Variants in ELAVL3 observed in about 807,000 individuals in gnomAD.
The protein encoded by ELAVL3 is ELAV-like protein 3.
A neutral mutation model predicts 34.2 loss-of-function variants in ELAVL3; 8 were observed. That is an observed-to-expected ratio of 0.23 (90% CI 0.14 to 0.42). The LOEUF is 0.42. Ranked by LOEUF, ELAVL3 falls within the 10% of genes least tolerant of loss-of-function variation. The pLI, the probability that ELAVL3 is intolerant of heterozygous loss-of-function variation, is 1.00. For synonymous variants in ELAVL3, 209 were observed against 222.1 expected (o/e 0.94, Z 0.53); for missense variants, 273 against 518.8 (o/e 0.53, Z 4.60).
At chr19:11,473,297 G>T (rs777698129) in intron 1 of ELAVL3, among the ~76,000 whole-genome samples, 5 of 151,922 alleles carry the variant, frequency 3.3e-5, no homozygotes, top group Non-Finnish European at 5.9e-5. Flanking sequence ...CCCAGGAGAC[G>T]GAGCTTGCAA....
chr19:11,464,534 G>A (rs1970969609), intron 3 of ELAVL3, among the ~76,000 whole-genome samples: 1 of 148,308 alleles, frequency 6.7e-6, no homozygotes, highest in Admixed American at 6.9e-5. Flanking sequence ...CGGGACACCT[G>A]GATCATAAAC....
chr19:11,454,416 G>T lies in ELAVL3; in HGVS notation c.*110C>A. ...GGGACGTGGGGCCCTCGCGTCGTCCGTGGGGCTGCCTGTGCTGTCTCTCTT... is the reference window on the plus strand; with the variant it reads ...GGGACGTGGGGCCCTCGCGTCGTCCTTGGGGCTGCCTGTGCTGTCTCTCTT... On this transcript the variant is annotated 3_prime_UTR_variant, in exon 7 of 7. Transcript: ENST00000359227. This position sits in a 1 kb window ranked among gnomAD's most constrained non-coding sequence, Gnocchi z 9.2. The T allele has an allele frequency of 8.9e-7, 1 of 1,125,000 alleles. No homozygotes were observed. Among genetic ancestry groups the T allele is most frequent in the Non-Finnish European group, 1.2e-6 (1 of 813,240 alleles). The allele number at this position is 1,125,000 out of a possible 1,614,324, so 69.7% of individuals were successfully genotyped here.
Position 11,465,320 on chromosome 19 carries a change from CACAT to C in ELAVL3, c.333+848_333+851del, listed in dbSNP as rs1383425753. The stretch of plus-strand genomic sequence containing the variant: ...CACACACACACACCACACACATACA[CACAT>C]GCACACACACCACACACACATGCGT... On this transcript the variant is annotated intron_variant, in intron 3 of 6. Transcript: ENST00000359227. 3.5e-3 allele frequency among the ~76,000 whole-genome samples: 516 copies of C among 149,086 alleles called. 4 individuals are homozygous for C. The highest frequency in any genetic ancestry group is 5.6e-3 in the Non-Finnish European group (373 of 67,102).
At chr19:11,473,754 C>G (rs1043474368) in intron 1 of ELAVL3, among the ~76,000 whole-genome samples, 1 of 152,156 alleles carries the variant, frequency 6.6e-6, no homozygotes, top group African/African-American at 2.4e-5. Flanking sequence ...TTTTTCTGAT[C>G]CAGAGTGTGC....
At chr19:11,469,932 C>T (rs1971130280) in intron 1 of ELAVL3, among the ~76,000 whole-genome samples, 1 of 152,174 alleles carries the variant, frequency 6.6e-6, no homozygotes, top group South Asian at 2.1e-4. Context: ...ATGTTGTGTG[C>T]CTGTAGCAAA....
intron 5 of ELAVL3, among the ~76,000 whole-genome samples, chr19:11,457,499 G>T (rs188447408): frequency 6.6e-6 from 1 of 152,232 alleles, no homozygotes; most frequent in Non-Finnish European, 1.5e-5. Flanking sequence ...CAGCACTTGA[G>T]GGGGTGGGTA....
At chr19:11,473,037 A>G (rs1971196160) in intron 1 of ELAVL3, among the ~76,000 whole-genome samples, 1 of 151,790 alleles carries the variant, frequency 6.6e-6, no homozygotes, top group Non-Finnish European at 1.5e-5. Context: ...ATTGCACTCC[A>G]GCCTGGGTGA....
chr19:11,454,209 T>G lies in ELAVL3; in HGVS notation c.*317A>C. The stretch of plus-strand genomic sequence containing the variant: ...GGTCGAGGGTGGGGGTGGGGGCACA[T>G]CTCTGCATTCTTTTTAGCCGAAAAA... On this transcript the variant is annotated 3_prime_UTR_variant, in exon 7 of 7. Transcript: ENST00000359227. The surrounding 1 kb of genome is among the most constrained non-coding windows in gnomAD (Gnocchi z 9.2). The G allele has an allele frequency of 2.8e-4, 73 of 265,166 alleles. No homozygotes were observed. Among genetic ancestry groups the G allele is most frequent in the East Asian group, 5.3e-4 (7 of 13,096 alleles). The allele number at this position is 265,166 out of a possible 1,614,324, so 16.4% of individuals were successfully genotyped here.
chr19:11,464,151 C>CTCTCTCTATA (rs1215435723), intron 3 of ELAVL3, among the ~76,000 whole-genome samples: 22 of 86,494 alleles, frequency 2.5e-4, no homozygotes, highest in African/African-American at 4.8e-4. Flanking sequence ...CTCTCTCTCT[C>CTCTCTCTATA]TATATATATA....
rs1043041667 is a variant in ELAVL3, at chr19:11,454,378, T to G, written c.*148A>C. 17 of 779,598 alleles carry G rather than the reference T, an allele frequency of 2.2e-5. No homozygotes were observed. The African/African-American group carries it at 2.8e-4, about 13-fold the overall frequency. The allele number at this position is 779,598 out of a possible 1,614,324, so 48.3% of individuals were successfully genotyped here. On this transcript the variant is annotated 3_prime_UTR_variant, in exon 7 of 7. Coordinates refer to ENST00000359227, the MANE Select transcript of ELAVL3 (RefSeq NM_001420.4). This position sits in a 1 kb window ranked among gnomAD's most constrained non-coding sequence, Gnocchi z 9.2. ...CCCTCCCACCCCAGAGTGCTCACCC[T>G]GTGGCTTCCGCAGGGACGTGGGGCC...
chr19:11,466,398 C>T lies in ELAVL3; in HGVS notation c.230-123G>A, dbSNP rs915355084. On this transcript the variant is annotated intron_variant, in intron 2 of 6. Transcript: ENST00000359227. The surrounding 1 kb of genome is among the most constrained non-coding windows in gnomAD (Gnocchi z 5.0). ...TCCACCTTCCTGTTTCCAGATGACA[C>T]CTTCGATGCTAGAGTCCCACCTGCC... 5 of 1,060,420 alleles carry T rather than the reference C, an allele frequency of 4.7e-6. No individual in the cohort carries two copies. The Admixed American group carries it at 6.1e-5, about 13-fold the overall frequency. The allele number at this position is 1,060,420 out of a possible 1,614,324, so 65.7% of individuals were successfully genotyped here. A position where few individuals can be genotyped will look rare whatever the true frequency, so the allele number is the denominator to read the frequency against.
Position 11,467,144 on chromosome 19 carries a change from C to T in ELAVL3, c.10-317G>A, listed in dbSNP as rs139042838. 3.0e-4 allele frequency among the ~76,000 whole-genome samples: 46 copies of T among 152,264 alleles called. No homozygotes were observed. In the East Asian group the frequency reaches 7.9e-3, roughly 26 times the overall value. ...TTTCACACCGGAAACGCTTTCACGT[C>T]GGGCGCAGTGGCTCACGCCCCTAAT... is the stretch of plus-strand genomic sequence containing the variant. On this transcript the variant is annotated intron_variant, in intron 1 of 6. Transcript: ENST00000359227.
chr19:11,465,520 C>A (rs1971033539), intron 3 of ELAVL3, among the ~76,000 whole-genome samples: 1 of 151,634 alleles, frequency 6.6e-6, no homozygotes, highest in Non-Finnish European at 1.5e-5. Context: ...TCCCCAACCC[C>A]CCACATCAGG....
At position 11,458,832 on chromosome 19, in the gene ELAVL3, GGGACCTGC is replaced by G. The variant is rs986195230; in HGVS notation, c.334-229_334-222del. ...CTTGGACTGCCTGTATAGAGTGATG[GGGACCTGC>G]CACCTAGGGAGGACATGTCTCCCTG... On this transcript the variant is annotated intron_variant, in intron 3 of 6. Transcript: ENST00000359227. This position sits in a 1 kb window ranked among gnomAD's most constrained non-coding sequence, Gnocchi z 7.3. Among the ~76,000 whole-genome samples, 2 of 152,092 alleles carry G rather than the reference GGGACCTGC, an allele frequency of 1.3e-5. No individual in the cohort carries two copies. Among genetic ancestry groups the G allele is most frequent in the African/African-American group, 4.8e-5 (2 of 41,420 alleles).
intron 3 of ELAVL3, among the ~76,000 whole-genome samples, chr19:11,464,123 G>GTCTCTCTCTCTCTCTCTC (rs1165917141): frequency 3.2e-4 from 35 of 110,946 alleles, no homozygotes; most frequent in African/African-American, 1.4e-3. Context: ...GTCTCTCTCT[G>GTCTCTCTCTCTCTCTCTC]TCTCTCTCTC....
intron 1 of ELAVL3, among the ~76,000 whole-genome samples, chr19:11,477,909 C>T (rs547596862): frequency 7.2e-5 from 11 of 152,078 alleles, no homozygotes; most frequent in African/African-American, 2.2e-4. Context: ...AGGCTGGTCT[C>T]GAACTCCTGA....
At chr19:11,464,098 C>CCTCT (rs1244106682) in intron 3 of ELAVL3, among the ~76,000 whole-genome samples, 2 of 135,034 alleles carry the variant, frequency 1.5e-5, no homozygotes, top group South Asian at 2.2e-4. Context: ...CCTCTCTCTC[C>CCTCT]CTCTCTCTCT....
At chr19:11,479,072 C>T (rs1389308627) in intron 1 of ELAVL3, among the ~76,000 whole-genome samples, 2 of 152,068 alleles carry the variant, frequency 1.3e-5, no homozygotes, top group Admixed American at 6.5e-5. Context: ...CTTGTGTGAC[C>T]TCTGACCACA....
Position 11,458,154 on chromosome 19 carries a change from C to A in ELAVL3, c.620G>T (p.Ser207Ile), listed in dbSNP as rs1349973806. The A allele has an allele frequency of 6.2e-7, 1 of 1,614,192 alleles. No homozygotes were observed. Among genetic ancestry groups the A allele is most frequent in the Non-Finnish European group, 8.5e-7 (1 of 1,180,036 alleles). ...GAGCAGCGCCTGCCCCGTCTTCTGACTTGGGTTGTTCGCGAACTTGACTGT... is the reference window on the plus strand; with the variant it reads ...GAGCAGCGCCTGCCCCGTCTTCTGAATTGGGTTGTTCGCGAACTTGACTGT... Reference protein sequence around the residue: ...PITVKFANNPSQKTGQALLTH... With the variant: ...PITVKFANNPIQKTGQALLTH... The change falls in exon 5 of 7, where the codon AGT (serine) becomes ATT (isoleucine). Residue 207 changes from serine to isoleucine, a missense_variant. By Grantham distance (142) the Ser-to-Ile change is moderately radical. This residue lies in a region of ELAVL3 where 102 missense variants were observed against 250.1 expected (regional missense o/e 0.41). Transcript: ENST00000359227. The surrounding 1 kb of genome is among the most constrained non-coding windows in gnomAD (Gnocchi z 7.3).
Sources: gnomAD v4.1 joint callset for allele counts (sites outside exome capture counted in the v4.1 genomes callset) on GRCh38, gnomAD v4.1.1 for gene constraint, gnomAD v4.1.1 regional missense constraint, Gnocchi (gnomAD v3.1) non-coding constraint, MANE v1.5 for transcripts, NCBI Gene and HGNC (gene_info 2026-07-23, HGNC 2026-07-21) for gene names.